SLC38A2: variants seen among roughly 807,000 people sequenced by gnomAD.
SLC38A2 encodes the protein solute carrier family 38 member 2, also known as sodium-coupled neutral amino acid symporter 2.
SLC38A2 carries 11 observed loss-of-function variants against 61.5 expected under a neutral mutation model. The ratio of observed to expected loss-of-function variants is 0.18; its 90% confidence interval spans 0.11 to 0.30. The LOEUF is 0.30. Ranked by LOEUF, SLC38A2 falls within the 10% of genes least tolerant of loss-of-function variation. The probability of loss-of-function intolerance (pLI) is 1.00; values close to 1 mark genes in which losing one functional copy is unlikely to be tolerated. For synonymous variants in SLC38A2, 217 were observed against 212.5 expected, an observed-to-expected ratio of 1.02 and a Z score of -0.18; for missense variants, 522 against 600.4, an observed-to-expected ratio of 0.87 and a Z score of 1.36.
rs750933324 is a variant in SLC38A2 at position 46,370,635 on chromosome 12, G to C, written c.199-8C>G. Reference sequence around the variant, plus strand: ...GGAAGTAGTACCTGGATGCTACATAGAGGGAAAACGATAACCAAACATATA... The same window carrying C: ...GGAAGTAGTACCTGGATGCTACATACAGGGAAAACGATAACCAAACATATA... On this transcript the variant is annotated splice_region_variant and splice_polypyrimidine_tract_variant and intron_variant, in intron 3 of 15. Transcript: ENST00000256689. 2 of 1,599,696 alleles carry C rather than the reference G, an allele frequency of 1.3e-6. No individual in the cohort carries two copies. The highest frequency in any genetic ancestry group is 2.2e-5 in the East Asian group (1 of 44,788).
chr12:46,361,185 C>T lies in SLC38A2; in HGVS notation c.1447G>A (p.Val483Ile), dbSNP rs142691083. The change falls in exon 16 of 16, where the codon GTA (valine) becomes ATA (isoleucine). Residue 483 changes from valine (V) to isoleucine (I), a missense_variant. Around this residue, in one of 3 missense-constraint regions of SLC38A2, gnomAD observed 309 missense variants for 343.9 expected, o/e 0.90. Transcript: ENST00000256689. ...IGALFFLLSG[V>I]LVMTGSMALI... is the part of the protein sequence containing the mutation. ...GCCATGCTTCCGGTCATCACCAGTACACCACTTAACAGGAAGAACAAAGCC... is the reference window on the plus strand; with the variant it reads ...GCCATGCTTCCGGTCATCACCAGTATACCACTTAACAGGAAGAACAAAGCC... 11 of 1,613,440 alleles carry T rather than the reference C, an allele frequency of 6.8e-6. No homozygotes were observed. The highest frequency in any genetic ancestry group is 6.7e-5 in the Admixed American group (4 of 59,916).
rs1303232969 is a variant in SLC38A2 at position 46,359,557 on chromosome 12, A to G, written c.*1554T>C. On this transcript the variant is annotated 3_prime_UTR_variant, in exon 16 of 16. Transcript: ENST00000256689. ...AGCCAGATGACCAATTGACAATTCCATTATTTGCTTCCTTCAACCACTTAA... is the reference window on the plus strand; with the variant it reads ...AGCCAGATGACCAATTGACAATTCCGTTATTTGCTTCCTTCAACCACTTAA... 5 of 152,648 alleles carry G rather than the reference A, an allele frequency of 3.3e-5. No homozygotes were observed. Among genetic ancestry groups the G allele is most frequent in the Non-Finnish European group, 7.3e-5 (5 of 68,040 alleles). The allele number at this position is 152,648 out of a possible 1,614,324, so 9.5% of individuals were successfully genotyped here. A position where few individuals can be genotyped will look rare whatever the true frequency, so the allele number is the denominator to read the frequency against.
chr12:46,368,255 CA>C (rs906476842), intron 4 of SLC38A2, among the ~76,000 whole-genome samples: 3 of 152,180 alleles, frequency 2.0e-5, no homozygotes, highest in Admixed American at 2.0e-4. Context: ...TACTACATTG[CA>C]CCCCATGGCA....
chr12:46,370,685 G>C, intron 3 of SLC38A2, 58 bp from the exon 4 acceptor site: 7 of 1,556,778 alleles, frequency 4.5e-6, no homozygotes, highest in South Asian at 1.1e-5. Context: ...GAGAAAACCA[G>C]CTTTGGGCAA....
At chr12:46,362,255 T>C in intron 15 of SLC38A2, 29 bp downstream of exon 15, 2 of 1,495,014 alleles carry the variant, frequency 1.3e-6, no homozygotes, top group Non-Finnish European at 1.8e-6. Flanking sequence ...ATATTATTAC[T>C]GTTTCTATGG....
intron 4 of SLC38A2, among the ~76,000 whole-genome samples, chr12:46,369,787 G>T (rs1943175365): frequency 6.6e-6 from 1 of 152,132 alleles, no homozygotes; most frequent in Non-Finnish European, 1.5e-5. Flanking sequence ...CCACTGCTCT[G>T]AAGTCTTCTG....
chr12:46,360,233 T>G lies in SLC38A2; in HGVS notation c.*878A>C, dbSNP rs1281164117. 1 of 152,652 alleles carries G rather than the reference T, an allele frequency of 6.6e-6. No individual in the cohort carries two copies. The highest frequency in any genetic ancestry group is 6.5e-5 in the Admixed American group (1 of 15,282). 9.5% of individuals were successfully genotyped at this position (152,652 alleles called of 1,614,324 possible). ...AATTGCACTATTTGGTACCTCAAAA[T>G]TAGTTATTTTATTTCCCACAGAAAT... On this transcript the variant is annotated 3_prime_UTR_variant, in exon 16 of 16. Transcript: ENST00000256689.
chr12:46,369,079 A>C (rs1943168255), intron 4 of SLC38A2, among the ~76,000 whole-genome samples: 1 of 152,262 alleles, frequency 6.6e-6, no homozygotes, highest in Admixed American at 6.5e-5. Context: ...TAATTCCAAG[A>C]GTACAAGGGT....
At chr12:46,368,158 CACTAACATGAT>C (rs1209174383) in intron 4 of SLC38A2, among the ~76,000 whole-genome samples, 2 of 151,906 alleles carry the variant, frequency 1.3e-5, no homozygotes, top group East Asian at 1.9e-4. Context: ...GGGGAAATGA[CACTAACATGAT>C]ACTAACATTT....
chr12:46,362,503 C>T lies in SLC38A2; in HGVS notation c.1315G>A (p.Gly439Ser), dbSNP rs199949823. ...IFVPTIRDIF[G>S]FIGASAASML... ...ACTTTCTAAAACTTACCAATAAAAC[C>T]AAAGATATCCCTAATAGTTGGGACA... The change falls in exon 14 of 16, where the codon GGT (glycine) becomes AGT (serine). Residue 439 changes from glycine to serine, a missense_variant. Physicochemically the swap from Gly to Ser is moderately conservative, Grantham distance 56. Around this residue, in one of 3 missense-constraint regions of SLC38A2, gnomAD observed 309 missense variants for 343.9 expected, o/e 0.90. Coordinates refer to ENST00000256689, the MANE Select transcript of SLC38A2 (RefSeq NM_018976.5). 32 of 1,593,322 alleles carry T rather than the reference C, an allele frequency of 2.0e-5. No individual in the cohort carries two copies. Among genetic ancestry groups the T allele is most frequent in the Non-Finnish European group, 2.4e-5 (28 of 1,174,534 alleles).
chr12:46,362,735 G>T, intron 13 of SLC38A2, 97 bp from the exon 14 acceptor site: 1 of 1,272,134 alleles, frequency 7.9e-7, no homozygotes, highest in East Asian at 2.7e-5. Context: ...CAAGTAACAA[G>T]GAATCTATCC....
intron 15 of SLC38A2, among the ~76,000 whole-genome samples, chr12:46,361,412 G>A (rs1272043668): frequency 6.6e-6 from 1 of 152,126 alleles, no homozygotes; most frequent in Non-Finnish European, 1.5e-5. Flanking sequence ...GAGGCCTTCT[G>A]AACTTTTTCA....
At position 46,358,753 on chromosome 12, in the gene SLC38A2, A is replaced by G. The variant is rs988548835; in HGVS notation, c.*2358T>C. The G allele has an allele frequency of 6.6e-6, 1 of 152,586 alleles. No homozygotes were observed. The highest frequency in any genetic ancestry group is 2.4e-5 in the African/African-American group (1 of 41,462). 9.5% of individuals were successfully genotyped at this position (152,586 alleles called of 1,614,324 possible). ...AATATATGTACATAGATTATCATAA[A>G]TATTGAAAAATAGGTTAGCTTTAAT... On this transcript the variant is annotated 3_prime_UTR_variant, in exon 16 of 16. Transcript: ENST00000256689.
chr12:46,361,061 T>TA lies in SLC38A2; in HGVS notation c.*49dup. The TA allele has an allele frequency of 7.2e-7, 1 of 1,383,578 alleles. No homozygotes were observed. The highest frequency in any genetic ancestry group is 1.0e-6 in the Non-Finnish European group (1 of 979,702). The allele number at this position is 1,383,578 out of a possible 1,614,324, so 85.7% of individuals were successfully genotyped here. On this transcript the variant is annotated 3_prime_UTR_variant, in exon 16 of 16. Transcript: ENST00000256689. ...GGTGAAATTTCATAGTAGTTGAGTT[T>TA]ACTCAACACTGGCATCAGATGGACT...
rs779809368 is a variant in SLC38A2, at chr12:46,364,381, T to C, written c.873+8A>G. The C allele has an allele frequency of 6.4e-7, 1 of 1,569,816 alleles. No individual in the cohort carries two copies. Among genetic ancestry groups the C allele is most frequent in the Non-Finnish European group, 8.6e-7 (1 of 1,164,406 alleles). On this transcript the variant is annotated splice_region_variant and intron_variant, in intron 10 of 15. Coordinates refer to ENST00000256689, the MANE Select transcript of SLC38A2 (RefSeq NM_018976.5). ...TCTTCTTTTGAGAAAATAAGCATAT[T>C]TAGTTACCTGTGAGTTGAAAATAAA...
In SLC38A2 at chr12:46,364,554, G is replaced by A; in HGVS notation, c.708C>T (p.Val236=). Residue 236 remains valine (V), a splice_region_variant and synonymous_variant, in exon 10 of 16, where the codon GTC becomes GTT. Coordinates refer to ENST00000256689, the MANE Select transcript of SLC38A2 (RefSeq NM_018976.5). The part of the protein sequence containing the change: ...LLCMVFFLIV[V]ICKKFQVPCP... ...ACGGAACCTGAAATTTCTTGCAAAT[G>A]ACCTAAAAATATATTATTTTGCATG... The A allele has an allele frequency of 1.2e-6, 2 of 1,601,904 alleles. No homozygotes were observed. Among genetic ancestry groups the A allele is most frequent in the Non-Finnish European group, 1.7e-6 (2 of 1,176,442 alleles).
In SLC38A2 at chr12:46,360,257, A is replaced by G. The variant is rs969609143; in HGVS notation, c.*854T>C. ...ATTAGTTATTTTATTTCCCACAGAAATATCTGCATTATCTTCCATTCTAAT... is the reference window on the plus strand; with the variant it reads ...ATTAGTTATTTTATTTCCCACAGAAGTATCTGCATTATCTTCCATTCTAAT... On this transcript the variant is annotated 3_prime_UTR_variant, in exon 16 of 16. Coordinates refer to ENST00000256689, the MANE Select transcript of SLC38A2 (RefSeq NM_018976.5). 1 of 152,672 alleles carries G rather than the reference A, an allele frequency of 6.5e-6. No homozygotes were observed. Among genetic ancestry groups the G allele is most frequent in the African/African-American group, 2.4e-5 (1 of 41,462 alleles). 9.5% of individuals were successfully genotyped at this position (152,672 alleles called of 1,614,324 possible). A position where few individuals can be genotyped will look rare whatever the true frequency, so the allele number is the denominator to read the frequency against.
intron 12 of SLC38A2, 152 bp from the exon 13 acceptor site, chr12:46,363,297 T>C: frequency 9.9e-7 from 1 of 1,015,048 alleles, no homozygotes; most frequent in Non-Finnish European, 1.4e-6. Flanking sequence ...TTATAGTTAA[T>C]GCAATTAAAG....
chr12:46,367,076 C>T lies in SLC38A2; in HGVS notation c.481G>A (p.Ala161Thr), dbSNP rs1464469995. The T allele has an allele frequency of 6.2e-7, 1 of 1,613,696 alleles. No homozygotes were observed. The highest frequency in any genetic ancestry group is 1.7e-5 in the Admixed American group (1 of 60,008). Residue 161 changes from alanine to threonine, a missense_variant and splice_region_variant, in exon 6 of 16, where the codon GCT (alanine) becomes ACT (threonine). Transcript: ENST00000256689. ...AAATAATCTTTTGAAAAATTCTTAC[C>T]TCCAATGTTCTGCATTGTAATTGAT... is the stretch of plus-strand genomic sequence containing the variant. ...SGSITMQNIGAMSSYLFIVKY... is the reference protein window; with the variant it reads ...SGSITMQNIGTMSSYLFIVKY...
Sources: allele counts gnomAD v4.1 joint callset (sites outside exome capture counted in the v4.1 genomes callset), GRCh38; gene constraint gnomAD v4.1.1; regional missense constraint gnomAD v4.1.1; transcripts MANE v1.5; gene names NCBI Gene and HGNC (gene_info 2026-07-23, HGNC 2026-07-21).